The following RGS8 variants were observed in gnomAD, a reference collection of about 807,000 sequenced individuals.
RGS8 encodes the protein regulator of G-protein signaling 8.
A neutral mutation model predicts 21.7 loss-of-function variants in RGS8; 8 were observed. The observed-to-expected ratio is 0.37, with a 90% CI of 0.22 to 0.66. RGS8 has a LOEUF of 0.66. Ranked by LOEUF, RGS8 falls within the 30% of genes least tolerant of loss-of-function variation. RGS8 has a pLI of 0.59. For synonymous variants in RGS8, 80 were observed against 83.6 expected, an observed-to-expected ratio of 0.96 and a Z score of 0.24; for missense variants, 157 against 217.9, an observed-to-expected ratio of 0.72 and a Z score of 1.76.
At chr1:182,707,280 C>A in the RGS8 span, among the ~76,000 whole-genome samples, 1 of 152,096 alleles carries the variant, frequency 6.6e-6, no homozygotes, top group East Asian at 1.9e-4. Context: ...CAAAGACAAC[C>A]TTTTGTACTT....
the RGS8 span, among the ~76,000 whole-genome samples, chr1:182,696,372 G>T: frequency 6.6e-6 from 1 of 151,972 alleles, no homozygotes; most frequent in Non-Finnish European, 1.5e-5. Flanking sequence ...ACTGCTCAGA[G>T]ACTTATTGTA....
the RGS8 span, among the ~76,000 whole-genome samples, chr1:182,690,344 A>C: frequency 6.6e-6 from 1 of 152,200 alleles, no homozygotes; most frequent in Non-Finnish European, 1.5e-5. Flanking sequence ...GCTAGACCAT[A>C]AGCTCCATGA....
the RGS8 span, among the ~76,000 whole-genome samples, chr1:182,749,831 C>G: frequency 6.6e-6 from 1 of 152,134 alleles, no homozygotes; most frequent in Non-Finnish European, 1.5e-5. Flanking sequence ...ACCCCATCAC[C>G]TAGGTATTAA....
At chr1:182,644,647 G>A (rs1662625160), downstream of RGS8, 2 of 152,186 alleles carry the variant, frequency 1.3e-5, no homozygotes, top group South Asian at 2.1e-4. Context: ...CTTTCAGAAT[G>A]TTTCACATTT....
chr1:182,670,456 G>A (rs973851491), intron 2 of RGS8, among the ~76,000 whole-genome samples: 4 of 152,240 alleles, frequency 2.6e-5, no homozygotes, highest in African/African-American at 9.6e-5. Context: ...AAAGCTGATT[G>A]ACTTACAGTC....
intron 5 of RGS8, among the ~76,000 whole-genome samples, chr1:182,661,414 G>A (rs1248399367): frequency 6.6e-6 from 1 of 151,964 alleles, no homozygotes; most frequent in Non-Finnish European, 1.5e-5. Flanking sequence ...CACATAAGAA[G>A]TGAGAGGAAA....
At chr1:182,642,437 G>C (rs768370972), downstream of RGS8, 5 of 152,356 alleles carry the variant, frequency 3.3e-5, no homozygotes, top group African/African-American at 1.2e-4. Flanking sequence ...GAGAACTCTG[G>C]ACATCCTTGT....
chr1:182,689,354 C>T (rs1664775779), upstream of RGS8, among the ~76,000 whole-genome samples: 5 of 151,544 alleles, frequency 3.3e-5, no homozygotes, highest in South Asian at 1.0e-3. Context: ...TATTAGGATC[C>T]CTTTCCTTCC....
At chr1:182,740,151 ATGT>A in the RGS8 span, among the ~76,000 whole-genome samples, 1 of 152,194 alleles carries the variant, frequency 6.6e-6, no homozygotes, top group African/African-American at 2.4e-5. Context: ...ATCTGTGCAC[ATGT>A]TGTGTTGCAG....
intron 1 of RGS8, among the ~76,000 whole-genome samples, chr1:182,679,849 T>TGG (rs1454267459): frequency 6.6e-6 from 1 of 152,046 alleles, no homozygotes; most frequent in Admixed American, 6.6e-5. Context: ...CACACACATA[T>TGG]AAACCTTGGC....
chr1:182,719,072 C>T, the RGS8 span, among the ~76,000 whole-genome samples: 1 of 152,312 alleles, frequency 6.6e-6, no homozygotes, highest in South Asian at 2.1e-4. Flanking sequence ...TCCCATGTTT[C>T]CCCGGTTTCT....
the RGS8 span, among the ~76,000 whole-genome samples, chr1:182,699,336 G>A: frequency 1.6e-4 from 25 of 152,318 alleles, no homozygotes; most frequent in Non-Finnish European, 2.8e-4. Context: ...GCTTCATGGT[G>A]TATGTGGAAG....
the RGS8 span, among the ~76,000 whole-genome samples, chr1:182,738,712 C>T: frequency 6.6e-6 from 1 of 152,126 alleles, no homozygotes; most frequent in Non-Finnish European, 1.5e-5. Context: ...GTCAGTGAAA[C>T]ATCTATTGAC....
the RGS8 span, among the ~76,000 whole-genome samples, chr1:182,697,543 G>A: frequency 4.6e-5 from 7 of 152,134 alleles, no homozygotes; most frequent in African/African-American, 7.2e-5. Flanking sequence ...GCTGAACTCC[G>A]GCTGACAACT....
At chr1:182,657,469 CTG>C (rs532213935) in intron 5 of RGS8, among the ~76,000 whole-genome samples, 236 of 152,170 alleles carry the variant, frequency 1.6e-3, no homozygotes, top group Non-Finnish European at 2.1e-3. Context: ...TTTGCATTAG[CTG>C]TGTTTCCTCT....
rs765665228 is a variant in RGS8 at position 182,648,272 on chromosome 1, C to T, written c.225G>A (p.Lys75=). The T allele has an allele frequency of 3.7e-6, 6 of 1,613,610 alleles. No individual in the cohort carries two copies. The Admixed American group carries it at 1.0e-4, about 27-fold the overall frequency. ...CCAGGTTCTCCTCACTGAACTCCGT[C>T]TTCAAGAAGGCACGGAATGCAGCCA... is the stretch of plus-strand genomic sequence containing the variant. The change falls in exon 6 of 7, where the codon AAG becomes AAA. Residue 75 remains lysine (K), a synonymous_variant. Coordinates refer to ENST00000483095, the Ensembl canonical transcript of RGS8.
chr1:182,654,246 A>T (rs1663158517), intron 5 of RGS8, among the ~76,000 whole-genome samples: 1 of 152,194 alleles, frequency 6.6e-6, no homozygotes, highest in Non-Finnish European at 1.5e-5. Context: ...ACAGAAGGGA[A>T]AGGGTATTGA....
intron 5 of RGS8, among the ~76,000 whole-genome samples, chr1:182,648,827 G>A (rs187120333): frequency 3.1e-4 from 47 of 152,194 alleles, no homozygotes; most frequent in Middle Eastern, 3.4e-3. Context: ...AGGGCTGGAC[G>A]CAGTGTCTCA....
At chr1:182,666,786 G>A in intron 4 of RGS8, 86 bp downstream of exon 5, 5 of 945,116 alleles carry the variant, frequency 5.3e-6, no homozygotes, top group Non-Finnish European at 8.7e-6. Context: ...TTTTCCAGTG[G>A]CTCATCTGGT....
Sources: gnomAD v4.1 joint callset for allele counts (sites outside exome capture counted in the v4.1 genomes callset) on GRCh38, gnomAD v4.1.1 for gene constraint, MANE v1.5 for transcripts, NCBI Gene and HGNC (gene_info 2026-07-23, HGNC 2026-07-21) for gene names.